FBRSL1: variants seen among roughly 807,000 people sequenced by gnomAD.
FBRSL1 encodes the protein fibrosin-1-like protein.
Under a neutral mutation model 89.6 loss-of-function variants are expected in FBRSL1, and 51 were observed. The observed-to-expected ratio is 0.57, with a 90% CI of 0.45 to 0.72. The LOEUF (loss-of-function observed/expected upper bound fraction) is 0.72, where lower values mean the gene tolerates loss of function less well. Ranked by LOEUF, FBRSL1 falls within the 30% of genes least tolerant of loss-of-function variation. The pLI, the probability that FBRSL1 is intolerant of heterozygous loss-of-function variation, is 0.00. For missense variants in FBRSL1, 1,618 were observed against 1,451.8 expected (o/e 1.11, Z -1.86); for synonymous variants, 779 against 681.1 (o/e 1.14, Z -2.24).
chr12:132,530,714 G>T (rs2036187897), intron 4 of FBRSL1, among the ~76,000 whole-genome samples: 1 of 145,312 alleles, frequency 6.9e-6, no homozygotes, highest in African/African-American at 2.5e-5. Context: ...ATGGCGGGGT[G>T]GGGGGTGGGG....
chr12:132,495,986 G>A (rs1011977721), intron 1 of FBRSL1, among the ~76,000 whole-genome samples: 6 of 152,270 alleles, frequency 3.9e-5, no homozygotes, highest in African/African-American at 1.2e-4. Flanking sequence ...AGGAGTCACC[G>A]GCCCTCTTCC....
At position 132,582,247 on chromosome 12, in the gene FBRSL1, G is replaced by A. The variant is rs989729732; in HGVS notation, c.2182G>A (p.Gly728Ser). The A allele has an allele frequency of 2.6e-5, 41 of 1,550,022 alleles. No individual in the cohort carries two copies. The highest frequency in any genetic ancestry group is 3.5e-5 in the Non-Finnish European group (40 of 1,146,822). ...LTNHDREPDN[G>S]KEEQERDLLE... ...CAACCATGACCGAGAGCCGGACAATGGCAAGGAGGAGCAGGAACGGTGAGT... is the reference window on the plus strand; with the variant it reads ...CAACCATGACCGAGAGCCGGACAATAGCAAGGAGGAGCAGGAACGGTGAGT... Residue 728 changes from glycine (G) to serine (S), a missense_variant, in exon 18 of 19, where the codon GGC becomes AGC. By Grantham distance (56) the Gly-to-Ser change is moderately conservative (BLOSUM62 0). Transcript: ENST00000680143.
chr12:132,558,761 G>C (rs988587008), intron 5 of FBRSL1, among the ~76,000 whole-genome samples: 1 of 152,244 alleles, frequency 6.6e-6, no homozygotes, highest in African/African-American at 2.4e-5. Flanking sequence ...GCTCCGCCAT[G>C]GATAGGCCCT....
intron 2 of FBRSL1, among the ~76,000 whole-genome samples, chr12:132,515,872 C>G (rs1262707551): frequency 7.3e-6 from 1 of 136,240 alleles, no homozygotes. Flanking sequence ...TGCACTCCAG[C>G]CTGGGCAACA....
intron 15 of FBRSL1, among the ~76,000 whole-genome samples, chr12:132,580,001 C>A (rs1312473311): frequency 6.6e-6 from 1 of 152,206 alleles, no homozygotes; most frequent in Non-Finnish European, 1.5e-5. Flanking sequence ...ACTCCGCAGG[C>A]CCTGGCAATT....
intron 2 of FBRSL1, chr12:132,511,462 G>T: frequency 1.0e-6 from 1 of 986,150 alleles, no homozygotes; most frequent in Non-Finnish European, 1.2e-6. Context: ...TCTCAAGGCA[G>T]CCCCACTCGA....
rs1252866744 is a variant in FBRSL1, at chr12:132,490,718, C to T, written c.148C>T (p.Arg50Cys). 10 of 986,510 alleles carry T rather than the reference C, an allele frequency of 1.0e-5. No homozygotes were observed. The highest frequency in any genetic ancestry group is 1.2e-5 in the Non-Finnish European group (10 of 831,378). The allele number at this position is 986,510 out of a possible 1,614,324, so 61.1% of individuals were successfully genotyped here. Residue 50 changes from arginine (R) to cysteine (C), a missense_variant, in exon 1 of 19, where the codon CGC becomes TGC. Coordinates refer to ENST00000680143, the MANE Select transcript of FBRSL1 (RefSeq NM_001367871.1). ...CCCCGGCAAGGAGAACGCGGGCCTC[C>T]GCGGCGCGCCCCCCCGAGGCGCCGC... ...PSPGKENAGL[R>C]GAPPRGAAPA...
At chr12:132,563,733 C>A (rs1382413177) in intron 5 of FBRSL1, among the ~76,000 whole-genome samples, 1 of 137,480 alleles carries the variant, frequency 7.3e-6, no homozygotes, top group Non-Finnish European at 1.6e-5. Flanking sequence ...GCCCCTGAAC[C>A]CCCGAGCTCC....
At chr12:132,545,322 G>A (rs1213125083) in intron 4 of FBRSL1, among the ~76,000 whole-genome samples, 5 of 152,210 alleles carry the variant, frequency 3.3e-5, no homozygotes, top group Non-Finnish European at 7.3e-5. Context: ...CCGAGAGGTG[G>A]ATGTGTCTCT....
rs751657085 is a variant in FBRSL1 at position 132,535,809 on chromosome 12, G to A, written c.615+7821G>A. On this transcript the variant is annotated intron_variant, in intron 4 of 18. Transcript: ENST00000680143. ...TCCATGATGGTGTGCGTGAGTGCAC[G>A]TGTGTCCATGATGGTGTGAGTGCAC... Among the ~76,000 whole-genome samples the A allele has an allele frequency of 6.6e-5, 5 of 75,858 alleles. No homozygotes were observed. In the South Asian group the frequency reaches 1.3e-3, roughly 20 times the overall value. 49.8% of individuals were successfully genotyped at this position (75,858 alleles called of 152,430 possible).
chr12:132,516,434 C>T (rs1325885996), intron 2 of FBRSL1, among the ~76,000 whole-genome samples: 1 of 152,198 alleles, frequency 6.6e-6, no homozygotes, highest in Non-Finnish European at 1.5e-5. Flanking sequence ...ATCCACCCAC[C>T]TCGGCCTCCC....
intron 5 of FBRSL1, among the ~76,000 whole-genome samples, chr12:132,560,656 C>T (rs571169673): frequency 6.6e-6 from 1 of 152,184 alleles, no homozygotes; most frequent in Non-Finnish European, 1.5e-5. Context: ...GGGTCGGGTC[C>T]TCGCAGACAA....
chr12:132,556,009 C>T (rs1264083472), intron 5 of FBRSL1, among the ~76,000 whole-genome samples: 1 of 152,192 alleles, frequency 6.6e-6, no homozygotes, highest in Non-Finnish European at 1.5e-5. Flanking sequence ...CTGGGGTCCT[C>T]TCTTCTCAGA....
In FBRSL1 at chr12:132,508,134, T is replaced by C. The variant is rs775556452; in HGVS notation, c.292-19T>C. On this transcript the variant is annotated intron_variant, in intron 1 of 18. Coordinates refer to ENST00000680143, the MANE Select transcript of FBRSL1 (RefSeq NM_001367871.1). ...CTGGGGTCCCGCCAATTAACTGGCG[T>C]TTCCCTGTCTCCCTGCAGAAGGATA... is the stretch of plus-strand genomic sequence containing the variant. The C allele has an allele frequency of 7.8e-7, 1 of 1,274,692 alleles. No homozygotes were observed. Among genetic ancestry groups the C allele is most frequent in the Non-Finnish European group, 1.1e-6 (1 of 892,922 alleles). 79.0% of individuals were successfully genotyped at this position (1,274,692 alleles called of 1,614,324 possible).
intron 1 of FBRSL1, among the ~76,000 whole-genome samples, chr12:132,492,737 A>G (rs939704839): frequency 3.9e-5 from 6 of 152,338 alleles, no homozygotes; most frequent in African/African-American, 1.4e-4. Context: ...TAGTGAGACA[A>G]GTCTGCTGCT....
At chr12:132,514,649 T>G (rs1209981097) in intron 2 of FBRSL1, among the ~76,000 whole-genome samples, 1 of 152,124 alleles carries the variant, frequency 6.6e-6, no homozygotes, top group Non-Finnish European at 1.5e-5. Context: ...TGCAGGGATT[T>G]GGCACGAAGC....
rs2040423888 is a variant in FBRSL1, at chr12:132,577,016, G to A, written c.1834+85G>A. 4.7e-6 allele frequency: 7 copies of A among 1,485,206 alleles called. No individual in the cohort carries two copies. The Admixed American group carries it at 1.5e-4, about 32-fold the overall frequency. 92.0% of individuals were successfully genotyped at this position (1,485,206 alleles called of 1,614,324 possible). On this transcript the variant is annotated intron_variant, in intron 15 of 18. Transcript: ENST00000680143. Reference sequence around the variant, plus strand: ...GCCTGCCTTCCTGTGCCAGGAGTGAGAGCGCTCTCTGGACCGCAGCACCAG... The same window carrying A: ...GCCTGCCTTCCTGTGCCAGGAGTGAAAGCGCTCTCTGGACCGCAGCACCAG...
In FBRSL1 at chr12:132,578,343, T is replaced by TCACACACACACACAGACACA. The variant is rs1555290112; in HGVS notation, c.1834+1426_1834+1427insGACACACACACACACACACA. Among the ~76,000 whole-genome samples, 6 of 141,008 alleles carry TCACACACACACACAGACACA rather than the reference T, an allele frequency of 4.3e-5. No homozygotes were observed. In the Admixed American group the frequency reaches 4.3e-4, roughly 10 times the overall value. 92.5% of individuals were successfully genotyped at this position (141,008 alleles called of 152,430 possible). A position where few individuals can be genotyped will look rare whatever the true frequency, so the allele number is the denominator to read the frequency against. ...CTGGGCAACAGAGCAAGACCCTGTC[T>TCACACACACACACAGACACA]CACACACACACACACACACACACAA... On this transcript the variant is annotated intron_variant, in intron 15 of 18. Coordinates refer to ENST00000680143, the MANE Select transcript of FBRSL1 (RefSeq NM_001367871.1).
chr12:132,522,595 T>A (rs754802360), intron 2 of FBRSL1, among the ~76,000 whole-genome samples: 9 of 152,330 alleles, frequency 5.9e-5, no homozygotes, highest in Non-Finnish European at 1.2e-4. Flanking sequence ...TTGGTTTGGA[T>A]ACTGACGTCA....
Sources: allele counts gnomAD v4.1 joint callset (sites outside exome capture counted in the v4.1 genomes callset), GRCh38; gene constraint gnomAD v4.1.1; transcripts MANE v1.5; gene names NCBI Gene and HGNC (gene_info 2026-07-23, HGNC 2026-07-21).